Variants in PLCB1 observed in about 807,000 individuals in gnomAD.
PLCB1 encodes the protein phospholipase C beta 1.
Under a neutral mutation model 161.8 loss-of-function variants are expected in PLCB1, and 46 were observed. The ratio of observed to expected loss-of-function variants is 0.28; its 90% confidence interval spans 0.22 to 0.36. The LOEUF is 0.36. Ranked by LOEUF, PLCB1 falls within the 10% of genes least tolerant of loss-of-function variation. The probability of loss-of-function intolerance (pLI) is 1.00; values close to 1 mark genes in which losing one functional copy is unlikely to be tolerated. For synonymous variants in PLCB1, 517 were observed against 503.7 expected, an observed-to-expected ratio of 1.03 and a Z score of -0.35; for missense variants, 1,016 against 1,472.5, an observed-to-expected ratio of 0.69 and a Z score of 5.07.
chr20:8,410,544 C>T lies in PLCB1; in HGVS notation c.246+39094C>T, dbSNP rs143106934. Among the ~76,000 whole-genome samples, 503 of 151,948 alleles carry T rather than the reference C, an allele frequency of 3.3e-3. 3 individuals carry two copies. The highest frequency in any genetic ancestry group is 0.03 in the East Asian group (153 of 5,158). On this transcript the variant is annotated intron_variant, in intron 3 of 31. Transcript: ENST00000338037. ...ATTTATTTTTATTGAATTTGATGTG[C>T]GTATTATGCCCAGTTATAAGTCCTG... is the stretch of plus-strand genomic sequence containing the variant.
Position 8,780,811 on chromosome 20 carries a change from A to T in PLCB1, c.3111+6092A>T, listed in dbSNP as rs190890333. 8.7e-4 allele frequency among the ~76,000 whole-genome samples: 133 copies of T among 152,322 alleles called. 1 individual carries two copies. Among genetic ancestry groups the T allele is most frequent in the Non-Finnish European group, 1.3e-3 (87 of 68,024 alleles). On this transcript the variant is annotated intron_variant, in intron 27 of 31. Coordinates refer to ENST00000338037, the MANE Select transcript of PLCB1 (RefSeq NM_015192.4). ...TCCTCCACCAAGTCACTGCATGACC[A>T]CCTGAATGTCAATTTTCTCACCTGT...
intron 23 of PLCB1, among the ~76,000 whole-genome samples, chr20:8,743,161 T>G (rs1016381352): frequency 1.3e-5 from 2 of 152,250 alleles, no homozygotes; most frequent in Non-Finnish European, 2.9e-5. Context: ...TTTTCTTCAT[T>G]CAGTTTGATA....
At chr20:8,676,291 G>C (rs1990072369) in intron 9 of PLCB1, among the ~76,000 whole-genome samples, 2 of 152,148 alleles carry the variant, frequency 1.3e-5, no homozygotes, top group Admixed American at 1.3e-4. Context: ...AACCCAGGAG[G>C]CAGAGGTTGC....
intron 2 of PLCB1, among the ~76,000 whole-genome samples, chr20:8,219,259 T>TA (rs1979288041): frequency 6.6e-6 from 1 of 152,214 alleles, no homozygotes; most frequent in Admixed American, 6.6e-5. Flanking sequence ...TCTTCATATT[T>TA]AAATGAGAGT....
intron 29 of PLCB1, 63 bp from the exon 30 acceptor site, chr20:8,789,455 G>C: frequency 1.9e-6 from 2 of 1,031,686 alleles, no homozygotes; most frequent in Non-Finnish European, 3.1e-6. Context: ...CTAGAAGTCT[G>C]AGATTACCAT....
At chr20:8,386,849 C>T (rs568906068) in intron 3 of PLCB1, among the ~76,000 whole-genome samples, 1 of 152,364 alleles carries the variant, frequency 6.6e-6, no homozygotes, top group East Asian at 1.9e-4. Flanking sequence ...CTTCCTGCTT[C>T]ACCTTGCACT....
intron 2 of PLCB1, among the ~76,000 whole-genome samples, chr20:8,170,703 G>A (rs909970257): frequency 3.9e-5 from 6 of 152,132 alleles, no homozygotes; most frequent in Admixed American, 6.6e-5. Context: ...CATAAAAACC[G>A]TGAATAGAAA....
At chr20:8,429,877 C>G (rs1041911345) in intron 3 of PLCB1, among the ~76,000 whole-genome samples, 1 of 152,004 alleles carries the variant, frequency 6.6e-6, no homozygotes, top group Non-Finnish European at 1.5e-5. Context: ...TGAATTAACT[C>G]TCAGGGGCTT....
chr20:8,172,500 G>A (rs1165031038), intron 2 of PLCB1, among the ~76,000 whole-genome samples: 1 of 152,186 alleles, frequency 6.6e-6, no homozygotes, highest in Non-Finnish European at 1.5e-5. Context: ...AGTAGTAGGA[G>A]GTGAGGTCAG....
chr20:8,151,808 T>A (rs1254072743), intron 2 of PLCB1, among the ~76,000 whole-genome samples: 1 of 152,192 alleles, frequency 6.6e-6, no homozygotes, highest in Non-Finnish European at 1.5e-5. Context: ...CAGTTTGATT[T>A]TTCAACTTGT....
chr20:8,722,706 G>A (rs1979715993), intron 15 of PLCB1, among the ~76,000 whole-genome samples: 1 of 152,140 alleles, frequency 6.6e-6, no homozygotes, highest in Non-Finnish European at 1.5e-5. Context: ...CGAGTAACTT[G>A]ATTAGCTCAA....
chr20:8,539,693 T>TTTTCC (rs1568499570), intron 3 of PLCB1, among the ~76,000 whole-genome samples: 3 of 101,096 alleles, frequency 3.0e-5, no homozygotes, highest in Non-Finnish European at 6.3e-5. Flanking sequence ...TCTTTTTCTT[T>TTTTCC]TTCCTTCCTT....
In PLCB1 at chr20:8,846,684, C is replaced by G. The variant is rs144178702; in HGVS notation, c.3424-34938C>G. ...AGAAGCTGTTTCCCCTGGCTTGTAT[C>G]ATATTGATTAACACAGTAAAGAATT... On this transcript the variant is annotated intron_variant, in intron 31 of 31. Coordinates refer to ENST00000338037, the MANE Select transcript of PLCB1 (RefSeq NM_015192.4). Among the ~76,000 whole-genome samples, 320 of 152,242 alleles carry G rather than the reference C, an allele frequency of 2.1e-3. 1 individual carries two copies. The highest frequency in any genetic ancestry group is 7.2e-3 in the African/African-American group (300 of 41,532).
At chr20:8,679,384 T>A (rs1193360314) in intron 9 of PLCB1, among the ~76,000 whole-genome samples, 1 of 152,206 alleles carries the variant, frequency 6.6e-6, no homozygotes, top group Non-Finnish European at 1.5e-5. Context: ...TGGATACAGA[T>A]CTTCCTCATT....
At chr20:8,265,878 T>C (rs1981929889) in intron 2 of PLCB1, among the ~76,000 whole-genome samples, 1 of 152,206 alleles carries the variant, frequency 6.6e-6, no homozygotes, top group African/African-American at 2.4e-5. Flanking sequence ...TAGGAAATCA[T>C]ACAAATGTCA....
intron 31 of PLCB1, among the ~76,000 whole-genome samples, chr20:8,872,793 C>G (rs1324991000): frequency 6.6e-6 from 1 of 152,024 alleles, no homozygotes; most frequent in African/African-American, 2.4e-5. Context: ...TTCCTAGTTC[C>G]CATTTGAAGG....
chr20:8,582,074 C>T (rs1986851517), intron 3 of PLCB1, among the ~76,000 whole-genome samples: 1 of 152,144 alleles, frequency 6.6e-6, no homozygotes. Flanking sequence ...CTCCCCTATC[C>T]CCAACCCCAG....
At chr20:8,321,028 GAA>G (rs1271463638) in intron 2 of PLCB1, among the ~76,000 whole-genome samples, 1 of 145,946 alleles carries the variant, frequency 6.9e-6, no homozygotes, top group Non-Finnish European at 1.5e-5. Flanking sequence ...GATAAAGAAA[GAA>G]AGAGAGAGAG....
At chr20:8,141,460 C>T (rs6039046) in intron 1 of PLCB1, among the ~76,000 whole-genome samples, 35,403 of 151,722 alleles carry the variant, frequency 0.23, 4,408 homozygotes, top group East Asian at 0.35. Flanking sequence ...CCCGTCTCTA[C>T]TAGAATACAA....
Sources: allele counts gnomAD v4.1 joint callset (sites outside exome capture counted in the v4.1 genomes callset), GRCh38; gene constraint gnomAD v4.1.1; transcripts MANE v1.5; gene names NCBI Gene and HGNC (gene_info 2026-07-23, HGNC 2026-07-21).